The following RASGEF1A variants were observed in gnomAD, a reference collection of about 807,000 sequenced individuals.
The protein encoded by RASGEF1A is RasGEF domain family member 1A.
A neutral mutation model predicts 56.4 loss-of-function variants in RASGEF1A; 18 were observed. The observed-to-expected ratio is 0.32, with a 90% confidence interval of 0.22 to 0.47. The LOEUF (loss-of-function observed/expected upper bound fraction) is 0.47. RASGEF1A is among the 20% of genes least tolerant of loss of function. RASGEF1A has a pLI of 1.00. For missense variants in RASGEF1A, 422 were observed against 627.1 expected (o/e 0.67, Z 3.49); for synonymous variants, 245 against 242.6 (o/e 1.01, Z -0.09).
At position 43,198,883 on chromosome 10, in the gene RASGEF1A, C is replaced by T. The variant is rs753430506; in HGVS notation, c.1032+50G>A. 1.7e-5 allele frequency: 27 copies of T among 1,547,336 alleles called. 1 individual carries two copies. Among genetic ancestry groups the T allele is most frequent in the African/African-American group, 1.1e-4 (8 of 73,362 alleles). On this transcript the variant is annotated intron_variant, in intron 9 of 12. Coordinates refer to ENST00000395810, the MANE Select transcript of RASGEF1A (RefSeq NM_145313.4). ...TGTCAGGGCCCCCTTCGGGCCATTG[C>T]GGGACGAAATGGGTGCAGCTCGCAG...
chr10:43,205,776 T>C (rs1839985191), intron 2 of RASGEF1A, 143 bp downstream of exon 2: 2 of 660,088 alleles, frequency 3.0e-6, no homozygotes, highest in Non-Finnish European at 5.2e-6. Flanking sequence ...GCCCTAGAGG[T>C]GGGCCTGGGC....
At chr10:43,239,265 T>C (rs1840474437) in intron 1 of RASGEF1A, among the ~76,000 whole-genome samples, 1 of 152,250 alleles carries the variant, frequency 6.6e-6, no homozygotes, top group African/African-American at 2.4e-5. Flanking sequence ...TATTCAAATG[T>C]GTGACCACAT....
chr10:43,196,603 A>C lies in RASGEF1A; in HGVS notation c.1349-55T>G. 6.6e-7 allele frequency: 1 copy of C among 1,521,374 alleles called. No homozygotes were observed. The highest frequency in any genetic ancestry group is 2.2e-5 in the East Asian group (1 of 44,452). The allele number at this position is 1,521,374 out of a possible 1,614,324, so 94.2% of individuals were successfully genotyped here. On this transcript the variant is annotated intron_variant, in intron 11 of 12. Coordinates refer to ENST00000395810, the MANE Select transcript of RASGEF1A (RefSeq NM_145313.4). This position sits in a 1 kb window ranked among gnomAD's most constrained non-coding sequence, Gnocchi z 4.6. The stretch of plus-strand genomic sequence containing the variant: ...GTGTCCCCATGCAGTGTCTGCCTGA[A>C]CCCAGCTGTCCCTTCAGGAGTACAG...
At chr10:43,231,574 A>T (rs757349092) in intron 1 of RASGEF1A, among the ~76,000 whole-genome samples, 4 of 152,252 alleles carry the variant, frequency 2.6e-5, no homozygotes, top group Non-Finnish European at 5.9e-5. Flanking sequence ...CGCTCATCCC[A>T]GATTGCACCA....
chr10:43,246,384 C>T (rs1286888009), intron 1 of RASGEF1A, among the ~76,000 whole-genome samples: 3 of 152,134 alleles, frequency 2.0e-5, no homozygotes, highest in East Asian at 3.8e-4. Context: ...TTCTAGCTGG[C>T]TTTTGTTGTT....
chr10:43,217,331 G>C (rs1235742192), intron 1 of RASGEF1A, among the ~76,000 whole-genome samples: 4 of 152,162 alleles, frequency 2.6e-5, no homozygotes, highest in African/African-American at 4.8e-5. Flanking sequence ...CCCTGTCCTG[G>C]TGACATGTGT....
chr10:43,228,243 C>T (rs1054088706), intron 1 of RASGEF1A, among the ~76,000 whole-genome samples: 12 of 152,204 alleles, frequency 7.9e-5, no homozygotes, highest in Non-Finnish European at 1.6e-4. Flanking sequence ...GGTATGCCCC[C>T]CGCATAGCTC....
chr10:43,199,612 A>C, intron 7 of RASGEF1A, 64 bp downstream of exon 7: 1 of 1,308,782 alleles, frequency 7.6e-7, no homozygotes, highest in East Asian at 2.3e-5. Context: ...TCCTGGGGCA[A>C]GATCAGGGTC....
intron 1 of RASGEF1A, among the ~76,000 whole-genome samples, chr10:43,253,071 C>T (rs913614398): frequency 2.6e-5 from 4 of 152,208 alleles, no homozygotes; most frequent in African/African-American, 9.6e-5. Context: ...AGGGGCTGTG[C>T]ACACCCAGCC....
intron 1 of RASGEF1A, among the ~76,000 whole-genome samples, chr10:43,225,949 C>T (rs189545402): frequency 7.0e-4 from 106 of 150,576 alleles, no homozygotes; most frequent in African/African-American, 2.3e-3. Context: ...GGGTGGCTGG[C>T]GGCAGTCACA....
intron 1 of RASGEF1A, among the ~76,000 whole-genome samples, chr10:43,214,101 A>C (rs894035396): frequency 2.6e-5 from 4 of 152,020 alleles, no homozygotes; most frequent in Admixed American, 1.3e-4. Flanking sequence ...CCTCCATTCA[A>C]ACTGCAGCCA....
intron 1 of RASGEF1A, among the ~76,000 whole-genome samples, chr10:43,256,253 CT>C (rs1249930246): frequency 6.6e-6 from 1 of 152,186 alleles, no homozygotes; most frequent in African/African-American, 2.4e-5. Flanking sequence ...GCGGCAGGTG[CT>C]GCTGGAGTCC....
intron 9 of RASGEF1A, among the ~76,000 whole-genome samples, chr10:43,198,641 C>T (rs553797278): frequency 6.6e-6 from 1 of 152,356 alleles, no homozygotes; most frequent in Admixed American, 6.5e-5. Flanking sequence ...AGACACTGAC[C>T]AAGGAAAAGG....
chr10:43,218,991 G>T (rs1025212132), intron 1 of RASGEF1A, among the ~76,000 whole-genome samples: 1 of 152,116 alleles, frequency 6.6e-6, no homozygotes, highest in African/African-American at 2.4e-5. Flanking sequence ...TTCCCTTTCT[G>T]TCCAGTCAGC....
At chr10:43,198,275 G>A (rs1361394054) in intron 9 of RASGEF1A, 80 bp from the exon 10 acceptor site, 2 of 1,295,862 alleles carry the variant, frequency 1.5e-6, no homozygotes, top group Non-Finnish European at 2.1e-6. Flanking sequence ...CTGCAGAGCA[G>A]GAGGCAGCAG....
At chr10:43,211,390 G>A (rs1001223725) in intron 1 of RASGEF1A, among the ~76,000 whole-genome samples, 2 of 152,166 alleles carry the variant, frequency 1.3e-5, no homozygotes, top group Admixed American at 6.5e-5. Flanking sequence ...CACAGCCTCA[G>A]CAGCACTGTA....
intron 1 of RASGEF1A, among the ~76,000 whole-genome samples, chr10:43,222,833 G>C (rs773449769): frequency 2.0e-5 from 3 of 152,174 alleles, no homozygotes; most frequent in Non-Finnish European, 2.9e-5. Flanking sequence ...GTCGAGGGAG[G>C]GGGACAGCCT....
At chr10:43,216,515 A>G (rs1840139251) in intron 1 of RASGEF1A, among the ~76,000 whole-genome samples, 1 of 152,162 alleles carries the variant, frequency 6.6e-6, no homozygotes, top group South Asian at 2.1e-4. Flanking sequence ...TGATTACAAG[A>G]TTCCCCATGC....
rs773365683 is a variant in RASGEF1A at position 43,206,060 on chromosome 10, C to T, written c.57G>A (p.Gln19=). 2 of 1,607,292 alleles carry T rather than the reference C, an allele frequency of 1.2e-6. 1 individual carries two copies. The highest frequency in any genetic ancestry group is 2.2e-5 in the South Asian group (2 of 89,946). Residue 19 remains glutamine, a synonymous_variant, in exon 2 of 13, where the codon CAG becomes CAA. Coordinates refer to ENST00000395810, the MANE Select transcript of RASGEF1A (RefSeq NM_145313.4). ...SSILGPSCSG[Q]VQPGMGERGG... ...CACGCTCCCCCATGCCAGGCTGCACCTGTCCGCTACAGCTGGGCCCAAGGA... is the reference window on the plus strand; with the variant it reads ...CACGCTCCCCCATGCCAGGCTGCACTTGTCCGCTACAGCTGGGCCCAAGGA...
Sources: allele counts gnomAD v4.1 joint callset (sites outside exome capture counted in the v4.1 genomes callset), GRCh38; gene constraint gnomAD v4.1.1; non-coding constraint Gnocchi (gnomAD v3.1); transcripts MANE v1.5; gene names NCBI Gene and HGNC (gene_info 2026-07-23, HGNC 2026-07-21).